Variants in IFT56 observed in about 807,000 individuals in gnomAD.
IFT56 encodes intraflagellar transport protein 56.
the IFT56 span, among the ~76,000 whole-genome samples, chr7:139,184,419 A>G: frequency 6.6e-6 from 1 of 152,226 alleles, no homozygotes; most frequent in Admixed American, 6.5e-5. Flanking sequence ...TAACAAGGAC[A>G]TTATACTGAA....
At chr7:139,139,563 TA>T in the IFT56 span, among the ~76,000 whole-genome samples, 3 of 152,244 alleles carry the variant, frequency 2.0e-5, no homozygotes, top group African/African-American at 7.2e-5. Flanking sequence ...GTGAATTTCT[TA>T]AAGGGTATCT....
the IFT56 span, among the ~76,000 whole-genome samples, chr7:139,151,403 G>T: frequency 6.6e-6 from 1 of 152,158 alleles, no homozygotes; most frequent in Non-Finnish European, 1.5e-5. Flanking sequence ...GGAGAAAGCT[G>T]CTGGTTTTAG....
At chr7:139,138,811 C>CTTT in the IFT56 span, among the ~76,000 whole-genome samples, 40 of 136,464 alleles carry the variant, frequency 2.9e-4, no homozygotes, top group East Asian at 2.1e-3. Flanking sequence ...TATGGATTTA[C>CTTT]TTTTTTTTTT....
At chr7:139,180,208 G>GCC in the IFT56 span, among the ~76,000 whole-genome samples, 3 of 151,980 alleles carry the variant, frequency 2.0e-5, no homozygotes, top group Admixed American at 6.6e-5. Context: ...GCGGTGGTGG[G>GCC]CGCCTGTAGT....
At chr7:139,184,840 G>T in the IFT56 span, among the ~76,000 whole-genome samples, 1 of 150,388 alleles carries the variant, frequency 6.6e-6, no homozygotes, top group Non-Finnish European at 1.5e-5. Flanking sequence ...GGATCACAAG[G>T]TCAGGAGATC....
chr7:139,182,665 A>G, the IFT56 span, among the ~76,000 whole-genome samples: 267 of 152,282 alleles, frequency 1.8e-3, no homozygotes, highest in African/African-American at 6.1e-3. Context: ...GCAACAGCCA[A>G]GTATGAGAGA....
At chr7:139,190,697 G>A in the IFT56 span, 9 of 152,160 alleles carry the variant, frequency 5.9e-5, no homozygotes, top group African/African-American at 2.2e-4. Context: ...CCAGCCCCAG[G>A]CTTCTGAGCT....
At chr7:139,182,510 C>T in the IFT56 span, among the ~76,000 whole-genome samples, 2 of 152,074 alleles carry the variant, frequency 1.3e-5, no homozygotes, top group African/African-American at 2.4e-5. Flanking sequence ...TTGAGGCTCC[C>T]AGCAGAGATA....
At chr7:139,171,580 C>A in the IFT56 span, among the ~76,000 whole-genome samples, 3 of 152,098 alleles carry the variant, frequency 2.0e-5, no homozygotes, top group Non-Finnish European at 2.9e-5. Flanking sequence ...TGCCAAGAAC[C>A]TGTAGAGAAA....
chr7:139,181,533 A>G, the IFT56 span, among the ~76,000 whole-genome samples: 1 of 152,216 alleles, frequency 6.6e-6, no homozygotes, highest in Non-Finnish European at 1.5e-5. Context: ...ACATCTGGAG[A>G]CATAGATTGC....
chr7:139,187,400 A>T, the IFT56 span: 2 of 1,613,822 alleles, frequency 1.2e-6, no homozygotes, highest in Non-Finnish European at 8.5e-7. Context: ...ACGTTCTCTT[A>T]TTCAGATGGG....
At chr7:139,161,603 G>T in the IFT56 span, among the ~76,000 whole-genome samples, 20 of 152,282 alleles carry the variant, frequency 1.3e-4, no homozygotes, top group East Asian at 3.9e-3. Context: ...ATACTACTGA[G>T]ATTCTTCATC....
the IFT56 span, among the ~76,000 whole-genome samples, chr7:139,157,139 C>CTTTTTTTTTTTTTT: frequency 6.1e-5 from 5 of 82,088 alleles, no homozygotes; most frequent in Non-Finnish European, 1.2e-4. Context: ...TCTTTAATTT[C>CTTTTTTTTTTTTTT]TTTTTTTTTT....
chr7:139,160,690 C>T, the IFT56 span, among the ~76,000 whole-genome samples: 1 of 152,114 alleles, frequency 6.6e-6, no homozygotes, highest in South Asian at 2.1e-4. Context: ...CCCGCCTTGG[C>T]CTCCAAAAAT....
the IFT56 span, among the ~76,000 whole-genome samples, chr7:139,188,011 C>T: frequency 6.6e-6 from 1 of 151,320 alleles, no homozygotes; most frequent in Non-Finnish European, 1.5e-5. Context: ...TTTTCTTTCA[C>T]CTTCTCATAT....
At chr7:139,169,320 T>A in the IFT56 span, 1 of 1,614,088 alleles carries the variant, frequency 6.2e-7, no homozygotes, top group African/African-American at 1.3e-5. Context: ...CAGCAGTTCT[T>A]CCAGTTGGTG....
At chr7:139,145,654 G>A in the IFT56 span, among the ~76,000 whole-genome samples, 1 of 151,936 alleles carries the variant, frequency 6.6e-6, no homozygotes, top group African/African-American at 2.4e-5. Context: ...GAGCTCAAGT[G>A]ATCTGCTCAC....
At chr7:139,177,449 A>G in the IFT56 span, among the ~76,000 whole-genome samples, 1 of 151,580 alleles carries the variant, frequency 6.6e-6, no homozygotes, top group Non-Finnish European at 1.5e-5. Flanking sequence ...TATCAGATAT[A>G]TATATACTGT....
At chr7:139,181,228 T>C in the IFT56 span, 2 of 1,505,346 alleles carry the variant, frequency 1.3e-6, no homozygotes, top group Non-Finnish European at 1.8e-6. Flanking sequence ...AAGGGAACAT[T>C]AAAGATTCAT....
Sources: gnomAD v4.1 joint callset for allele counts (sites outside exome capture counted in the v4.1 genomes callset) on GRCh38, gnomAD v4.1.1 for gene constraint, MANE v1.5 for transcripts, NCBI Gene and HGNC (gene_info 2026-07-23, HGNC 2026-07-21) for gene names.